The following LAPTM4B variants were observed in gnomAD, a reference collection of about 807,000 sequenced individuals.
LAPTM4B encodes lysosomal protein transmembrane 4 beta.
LAPTM4B carries 26 observed loss-of-function variants against 28.5 expected under a neutral mutation model. The observed-to-expected ratio is 0.91, with a 90% CI of 0.67 to 1.27. The LOEUF (loss-of-function observed/expected upper bound fraction) is 1.27, where lower values mean the gene tolerates loss of function less well. Ranked by LOEUF, LAPTM4B falls within the 50% of genes most tolerant of loss-of-function variation. LAPTM4B has a pLI of 0.00. For missense variants in LAPTM4B, 288 were observed against 285.8 expected, an observed-to-expected ratio of 1.01 and a Z score of -0.06; for synonymous variants, 109 against 106.4, an observed-to-expected ratio of 1.02 and a Z score of -0.15.
At chr8:97,830,132 G>C (rs952633228) in intron 6 of LAPTM4B, among the ~76,000 whole-genome samples, 1 of 152,180 alleles carries the variant, frequency 6.6e-6, no homozygotes, top group Admixed American at 6.6e-5. Context: ...TGTGTAGTAG[G>C]AGGAAGAGAG....
intron 1 of LAPTM4B, chr8:97,788,080 G>A (rs1398896163): frequency 6.5e-6 from 1 of 153,444 alleles, no homozygotes; most frequent in Non-Finnish European, 1.5e-5. Context: ...TAATGATTCA[G>A]AGAGAAAAAA....
chr8:97,830,108 A>ATACT (rs1817156966), intron 6 of LAPTM4B, among the ~76,000 whole-genome samples: 1 of 152,164 alleles, frequency 6.6e-6, no homozygotes, highest in Admixed American at 6.5e-5. Flanking sequence ...GTCAGCTAGT[A>ATACT]GGGCAGGGAC....
rs148063497 is a variant in LAPTM4B, at chr8:97,851,434, G to C, written c.641G>C (p.Gly214Ala). The C allele has an allele frequency of 1.9e-6, 3 of 1,614,074 alleles. No homozygotes were observed. Among genetic ancestry groups the C allele is most frequent in the South Asian group, 1.1e-5 (1 of 91,074 alleles). Residue 214 changes from glycine to alanine, a missense_variant, in exon 7 of 7, where the codon GGT (glycine) becomes GCT (alanine). Transcript: ENST00000521545. ...CCGTATGATGATGCCACTGTGAATGGTGCTGCCAAGGAGCCACCGCCACCT... is the reference window on the plus strand; with the variant it reads ...CCGTATGATGATGCCACTGTGAATGCTGCTGCCAAGGAGCCACCGCCACCT... The part of the protein sequence containing the change: ...LPPYDDATVN[G>A]AAKEPPPPYV...
At chr8:97,787,493 C>T (rs973157530) in intron 1 of LAPTM4B, among the ~76,000 whole-genome samples, 2 of 152,020 alleles carry the variant, frequency 1.3e-5, no homozygotes, top group African/African-American at 4.8e-5. Context: ...ACCATGTTAG[C>T]CAGGATGGTC....
At chr8:97,788,666 G>T (rs910281954) in intron 1 of LAPTM4B, among the ~76,000 whole-genome samples, 2 of 151,210 alleles carry the variant, frequency 1.3e-5, no homozygotes, top group African/African-American at 4.9e-5. Flanking sequence ...AATTTCCTTT[G>T]TTAAGGGTCT....
intron 6 of LAPTM4B, among the ~76,000 whole-genome samples, chr8:97,836,269 C>T (rs1817259227): frequency 6.6e-6 from 1 of 152,198 alleles, no homozygotes; most frequent in South Asian, 2.1e-4. Flanking sequence ...CAACCTCCAC[C>T]CCCTGGGTTC....
chr8:97,846,385 A>G (rs964552604), intron 6 of LAPTM4B, among the ~76,000 whole-genome samples: 8 of 150,512 alleles, frequency 5.3e-5, no homozygotes, highest in South Asian at 2.1e-4. Context: ...CTGGAGTGCA[A>G]TGCGCGATCT....
At chr8:97,788,046 G>T (rs566637180) in intron 1 of LAPTM4B, among the ~76,000 whole-genome samples, 1 of 152,044 alleles carries the variant, frequency 6.6e-6, no homozygotes, top group African/African-American at 2.4e-5. Flanking sequence ...ATTTATGACC[G>T]AACCCAGCCA....
At chr8:97,793,386 C>T (rs888545063) in intron 1 of LAPTM4B, among the ~76,000 whole-genome samples, 1 of 152,084 alleles carries the variant, frequency 6.6e-6, no homozygotes, top group Non-Finnish European at 1.5e-5. Flanking sequence ...GCCCCCAGCA[C>T]TCATTTAATT....
chr8:97,805,344 T>TA lies in LAPTM4B; in HGVS notation c.100-9_100-8insA. ...AAATTCTTTTTTTTTTTTTTTTTTC[T>TA]TGTTGCAGATCATCAATGCTGTGGT... On this transcript the variant is annotated splice_polypyrimidine_tract_variant and intron_variant, in intron 1 of 6. Coordinates refer to ENST00000521545, the MANE Select transcript of LAPTM4B (RefSeq NM_018407.6). 7.3e-7 allele frequency: 1 copy of TA among 1,379,212 alleles called. No homozygotes were observed. Among genetic ancestry groups the TA allele is most frequent in the Non-Finnish European group, 1.0e-6 (1 of 991,262 alleles). 85.4% of individuals were successfully genotyped at this position (1,379,212 alleles called of 1,614,324 possible).
rs772350610 is a variant in LAPTM4B, at chr8:97,819,095, G to A, written c.409-45G>A. On this transcript the variant is annotated intron_variant, in intron 4 of 6. Coordinates refer to ENST00000521545, the MANE Select transcript of LAPTM4B (RefSeq NM_018407.6). ...AATTGGTGCCCAAGGAATACTGTCT[G>A]GAATGATTAATGAGATTTGCTAATG... The A allele has an allele frequency of 9.3e-6, 11 of 1,176,542 alleles. No individual in the cohort carries two copies. In the Middle Eastern group the frequency reaches 1.7e-3, roughly 177 times the overall value. The allele number at this position is 1,176,542 out of a possible 1,614,324, so 72.9% of individuals were successfully genotyped here.
chr8:97,808,403 G>A (rs758444371), intron 2 of LAPTM4B, among the ~76,000 whole-genome samples: 48 of 151,460 alleles, frequency 3.2e-4, no homozygotes, highest in Non-Finnish European at 4.6e-4. Flanking sequence ...AGCCGAGATC[G>A]CGCCATTGCA....
intron 1 of LAPTM4B, among the ~76,000 whole-genome samples, chr8:97,783,568 C>T (rs955969148): frequency 5.3e-5 from 8 of 152,144 alleles, no homozygotes; most frequent in African/African-American, 1.9e-4. Flanking sequence ...ACCTCCCCAC[C>T]CCATCCCCCA....
At position 97,819,229 on chromosome 8, in the gene LAPTM4B, G is replaced by C. The variant is rs1368150429; in HGVS notation, c.498G>C (p.Leu166Phe). 6.4e-7 allele frequency: 1 copy of C among 1,569,398 alleles called. No individual in the cohort carries two copies. Among genetic ancestry groups the C allele is most frequent in the Admixed American group, 1.7e-5 (1 of 58,580 alleles). ...TTCTTCTGTTTATTAGCATTATCTT[G>C]ACTTTTAAGGTAAGCATGAAGATTT... ...LIILLFISII[L>F]TFKGYLISCV... The change falls in exon 5 of 7, where the codon TTG becomes TTC. Residue 166 changes from leucine to phenylalanine, a missense_variant. Leu to Phe is a conservative substitution (Grantham distance 22). Coordinates refer to ENST00000521545, the MANE Select transcript of LAPTM4B (RefSeq NM_018407.6).
At chr8:97,801,843 C>CCA (rs780451495) in intron 1 of LAPTM4B, among the ~76,000 whole-genome samples, 12 of 131,362 alleles carry the variant, frequency 9.1e-5, no homozygotes, top group Non-Finnish European at 1.9e-4. Flanking sequence ...AACTCCATCT[C>CCA]AAAAAAAAAA....
intron 6 of LAPTM4B, among the ~76,000 whole-genome samples, chr8:97,849,216 C>T (rs2129862830): frequency 6.6e-6 from 1 of 152,348 alleles, no homozygotes; most frequent in East Asian, 1.9e-4. Context: ...CCTTCCTTGA[C>T]TCCCTAGCCT....
Position 97,782,877 on chromosome 8 carries a change from A to G in LAPTM4B, c.99+6769A>G, listed in dbSNP as rs562289095. On this transcript the variant is annotated intron_variant, in intron 1 of 6. Transcript: ENST00000521545. The stretch of plus-strand genomic sequence containing the variant: ...CTCCAAAGTAGCTGGGATTGCAGGC[A>G]TGCACCACCATACCTGGCTAATTTT... 2.6e-4 allele frequency among the ~76,000 whole-genome samples: 39 copies of G among 151,696 alleles called. 1 individual carries two copies. Among genetic ancestry groups the G allele is most frequent in the Admixed American group, 9.2e-4 (14 of 15,224 alleles).
intron 6 of LAPTM4B, among the ~76,000 whole-genome samples, chr8:97,829,481 CG>C (rs1326549382): frequency 1.3e-5 from 2 of 151,842 alleles, no homozygotes; most frequent in African/African-American, 4.8e-5. Flanking sequence ...ATAAGGAAGA[CG>C]GGAGGTTACC....
At chr8:97,796,661 C>T (rs772078394) in intron 1 of LAPTM4B, among the ~76,000 whole-genome samples, 6 of 152,136 alleles carry the variant, frequency 3.9e-5, no homozygotes, top group Admixed American at 6.5e-5. Flanking sequence ...CGGGCACGTC[C>T]GGGCGCAGTG....
Sources: allele counts gnomAD v4.1 joint callset (sites outside exome capture counted in the v4.1 genomes callset), GRCh38; gene constraint gnomAD v4.1.1; transcripts MANE v1.5; gene names NCBI Gene and HGNC (gene_info 2026-07-23, HGNC 2026-07-21).